The following LOC400499 variants were observed in gnomAD, a reference collection of about 807,000 sequenced individuals.
At chr16:11,422,832 G>A in the LOC400499 span, among the ~76,000 whole-genome samples, 3 of 152,278 alleles carry the variant, frequency 2.0e-5, no homozygotes, top group South Asian at 2.1e-4. Flanking sequence ...TGAGCGCCAC[G>A]GTCCGCTTGT....
At chr16:11,399,298 A>G in the LOC400499 span, 1 of 949,350 alleles carries the variant, frequency 1.1e-6, no homozygotes, top group Non-Finnish European at 1.3e-6. Context: ...CATCCCAGTT[A>G]GGAAGGGAAC....
the LOC400499 span, among the ~76,000 whole-genome samples, chr16:11,463,017 G>A: frequency 1.3e-5 from 2 of 152,098 alleles, no homozygotes; most frequent in African/African-American, 4.8e-5. Context: ...CAGACACGTC[G>A]AATGATGGCA....
the LOC400499 span, among the ~76,000 whole-genome samples, chr16:11,502,937 T>TTTTTTTTAA: frequency 6.8e-6 from 1 of 146,244 alleles, no homozygotes; most frequent in Non-Finnish European, 1.5e-5. Context: ...TTTTTTTTTT[T>TTTTTTTTAA]AAGAGACAGG....
chr16:11,484,470 C>T, the LOC400499 span, among the ~76,000 whole-genome samples: 1 of 152,096 alleles, frequency 6.6e-6, no homozygotes, highest in Admixed American at 6.6e-5. Context: ...AATTAGACCT[C>T]AATAAATCTC....
At chr16:11,386,970 C>T in the LOC400499 span, 1 of 554,910 alleles carries the variant, frequency 1.8e-6, no homozygotes. Context: ...GTACCCTCAG[C>T]CCTAGTCCCA....
the LOC400499 span, among the ~76,000 whole-genome samples, chr16:11,474,570 G>A: frequency 1.4e-3 from 218 of 152,186 alleles, 1 homozygote; most frequent in African/African-American, 5.0e-3. Flanking sequence ...GTTGGTAAAG[G>A]AAAATAAAGC....
At chr16:11,378,640 CAT>C in the LOC400499 span, among the ~76,000 whole-genome samples, 1 of 152,212 alleles carries the variant, frequency 6.6e-6, no homozygotes, top group East Asian at 1.9e-4. Context: ...CATAAGATTT[CAT>C]ATGTTTGGTC....
At chr16:11,446,489 T>C in the LOC400499 span, 8 of 1,450,426 alleles carry the variant, frequency 5.5e-6, no homozygotes, top group African/African-American at 2.8e-5. Flanking sequence ...TATTGAGCGA[T>C]GACAGCAACT....
the LOC400499 span, among the ~76,000 whole-genome samples, chr16:11,484,086 C>T: frequency 1.5e-5 from 2 of 132,422 alleles, no homozygotes; most frequent in Non-Finnish European, 3.1e-5. Context: ...CGGCTCACTG[C>T]AAGCTCCGCC....
the LOC400499 span, among the ~76,000 whole-genome samples, chr16:11,386,802 G>C: frequency 4.6e-5 from 7 of 152,348 alleles, no homozygotes; most frequent in African/African-American, 1.7e-4. Context: ...GCCTCTGACC[G>C]GCGAGTCTGA....
chr16:11,422,795 C>T, the LOC400499 span, among the ~76,000 whole-genome samples: 1 of 152,210 alleles, frequency 6.6e-6, no homozygotes, highest in Non-Finnish European at 1.5e-5. Flanking sequence ...AGCTTGAAGC[C>T]ACCTGAGCTG....
At chr16:11,391,842 AGGGTGCCTGCCGGCTGCACCT>A in the LOC400499 span, 5 of 1,231,706 alleles carry the variant, frequency 4.1e-6, no homozygotes, top group East Asian at 1.3e-4. Flanking sequence ...CACGCCGTCC[AGGGTGCCTGCCGGCTGCACCT>A]GGACAGGGAA....
the LOC400499 span, chr16:11,493,730 TCAAC>T: frequency 2.5e-6 from 1 of 394,988 alleles, no homozygotes; most frequent in East Asian, 3.6e-5. Flanking sequence ...GCACAGGCAC[TCAAC>T]GTAGGGGTGA....
the LOC400499 span, among the ~76,000 whole-genome samples, chr16:11,440,234 A>G: frequency 6.6e-6 from 1 of 152,140 alleles, no homozygotes; most frequent in African/African-American, 2.4e-5. Context: ...ATATACCTAC[A>G]ATGGCTGCTA....
At chr16:11,373,167 G>T in the LOC400499 span, among the ~76,000 whole-genome samples, 1 of 152,292 alleles carries the variant, frequency 6.6e-6, no homozygotes, top group African/African-American at 2.4e-5. Flanking sequence ...CACTGTGTGG[G>T]TGAGATCTTC....
chr16:11,485,487 T>TG, the LOC400499 span, among the ~76,000 whole-genome samples: 2 of 151,980 alleles, frequency 1.3e-5, no homozygotes, highest in East Asian at 1.9e-4. Flanking sequence ...CTCCCCTGGA[T>TG]GGGGGGGAGG....
the LOC400499 span, among the ~76,000 whole-genome samples, chr16:11,521,692 G>A: frequency 2.6e-5 from 4 of 152,080 alleles, no homozygotes; most frequent in East Asian, 3.9e-4. Flanking sequence ...CTCACTCCAC[G>A]AACTCCCCCA....
At chr16:11,514,702 C>T in the LOC400499 span, among the ~76,000 whole-genome samples, 7 of 152,210 alleles carry the variant, frequency 4.6e-5, no homozygotes, top group African/African-American at 9.6e-5. Context: ...TGCATCCCTG[C>T]GTCACCCACC....
chr16:11,383,651 G>T, the LOC400499 span: 1 of 1,232,314 alleles, frequency 8.1e-7, no homozygotes, highest in Non-Finnish European at 1.0e-6. Flanking sequence ...CCACACTGTG[G>T]AGGAGGGGCC....
Sources: allele counts gnomAD v4.1 joint callset (sites outside exome capture counted in the v4.1 genomes callset), GRCh38; gene constraint gnomAD v4.1.1; transcripts MANE v1.5.